VPS13B: variants seen among roughly 807,000 people sequenced by gnomAD.
The protein encoded by VPS13B is vacuolar protein sorting 13 homolog B, also known as intermembrane lipid transfer protein VPS13B.
VPS13B carries 285 observed loss-of-function variants against 426.4 expected under a neutral mutation model. That is an observed-to-expected ratio of 0.67 (90% confidence interval 0.61 to 0.74). The LOEUF is 0.74. Among genes scored for constraint, VPS13B ranks in the 30% least tolerant of loss-of-function variants. VPS13B has a pLI of 0.00. For missense variants in VPS13B, 4,537 were observed against 4,782.6 expected, an observed-to-expected ratio of 0.95 and a Z score of 1.51; for synonymous variants, 1,676 against 1,676.4, an observed-to-expected ratio of 1.00 and a Z score of 0.01.
chr8:99,015,976 T>A (rs1841592458), intron 2 of VPS13B, among the ~76,000 whole-genome samples: 2 of 152,238 alleles, frequency 1.3e-5, no homozygotes, highest in Admixed American at 6.5e-5. Context: ...AGATAAGTTT[T>A]ACCTGGTTTT....
chr8:99,200,394 C>CT (rs1814237971), intron 17 of VPS13B, among the ~76,000 whole-genome samples: 1 of 151,758 alleles, frequency 6.6e-6, no homozygotes, highest in East Asian at 1.9e-4. Flanking sequence ...TGAATGTATG[C>CT]TTTTATTTCT....
At chr8:99,232,921 C>T (rs1216075116) in intron 17 of VPS13B, 24 of 594,428 alleles carry the variant, frequency 4.0e-5, no homozygotes, top group East Asian at 5.6e-5. Context: ...TGGCCGCCTC[C>T]GCAGACTTCT....
chr8:99,433,546 G>T (rs982321247), intron 22 of VPS13B, among the ~76,000 whole-genome samples: 1 of 152,140 alleles, frequency 6.6e-6, no homozygotes, highest in African/African-American at 2.4e-5. Flanking sequence ...TCATAAAAAT[G>T]TTGGCCAATA....
intron 24 of VPS13B, among the ~76,000 whole-genome samples, chr8:99,473,600 A>G (rs1819528319): frequency 6.6e-6 from 1 of 152,188 alleles, no homozygotes; most frequent in Non-Finnish European, 1.5e-5. Context: ...CACTAAGATC[A>G]GGAAAAAGTC....
chr8:99,746,965 C>T (rs139777483), intron 39 of VPS13B, among the ~76,000 whole-genome samples: 103 of 152,196 alleles, frequency 6.8e-4, no homozygotes, highest in Non-Finnish European at 1.3e-3. Flanking sequence ...AACACCATGA[C>T]GTCCACCAAA....
chr8:99,094,894 C>A (rs747326039), intron 3 of VPS13B, among the ~76,000 whole-genome samples: 1 of 151,986 alleles, frequency 6.6e-6, no homozygotes, highest in Non-Finnish European at 1.5e-5. Context: ...TCTCAGCTAC[C>A]CTTTGTGTTG....
intron 21 of VPS13B, among the ~76,000 whole-genome samples, chr8:99,420,689 G>A (rs976284365): frequency 6.6e-6 from 1 of 152,108 alleles, no homozygotes; most frequent in Non-Finnish European, 1.5e-5. Flanking sequence ...ACTATGCTCA[G>A]CTCCTCCTTT....
At chr8:99,732,042 A>G (rs1398966713) in intron 39 of VPS13B, among the ~76,000 whole-genome samples, 1 of 152,240 alleles carries the variant, frequency 6.6e-6, no homozygotes, top group African/African-American at 2.4e-5. Context: ...CAGGAAGTTT[A>G]TAGACCCCCC....
intron 34 of VPS13B, among the ~76,000 whole-genome samples, chr8:99,653,843 C>T (rs78176672): frequency 0.021 from 3,224 of 152,074 alleles, 51 homozygotes; most frequent in Middle Eastern, 0.068. Context: ...AAATCTCTTG[C>T]CCTTCCCATC....
chr8:99,745,780 C>T (rs1387843815), intron 39 of VPS13B, among the ~76,000 whole-genome samples: 2 of 152,014 alleles, frequency 1.3e-5, no homozygotes, highest in South Asian at 2.1e-4. Flanking sequence ...ATCTGTTCTC[C>T]ACTTTTTGTT....
In VPS13B at chr8:99,385,966, C is replaced by G. The variant is rs1309838647; in HGVS notation, c.2934+1649C>G. ...TGAAAAAAAATTTTGAATTTGTAGT[C>G]CTAGGTATTTGAGACTTCATTTTGA... On this transcript the variant is annotated intron_variant, in intron 20 of 61. Transcript: ENST00000357162. Among the ~76,000 whole-genome samples, 2 of 151,972 alleles carry G rather than the reference C, an allele frequency of 1.3e-5. 1 individual carries two copies. Among genetic ancestry groups the G allele is most frequent in the Non-Finnish European group, 2.9e-5 (2 of 67,980 alleles).
At chr8:99,122,710 A>G (rs989314682) in intron 8 of VPS13B, among the ~76,000 whole-genome samples, 3 of 152,234 alleles carry the variant, frequency 2.0e-5, no homozygotes, top group African/African-American at 7.2e-5. Context: ...TTTTGTCTCC[A>G]GAGATACCAG....
chr8:99,823,868 G>A lies in VPS13B; in HGVS notation c.9220G>A (p.Gly3074Ser), dbSNP rs762740344. 1.2e-6 allele frequency: 2 copies of A among 1,613,508 alleles called. No individual in the cohort carries two copies. Among genetic ancestry groups the A allele is most frequent in the South Asian group, 1.1e-5 (1 of 91,068 alleles). ...CTGCATTTCCTCCATGGTACAGCAAGGTATACAAATTATTCAGATTGAAGA... is the reference window on the plus strand; with the variant it reads ...CTGCATTTCCTCCATGGTACAGCAAAGTATACAAATTATTCAGATTGAAGA... ...QFCISSMVQQ[G>S]IQIIQIEDKT... The change falls in exon 51 of 62, where the codon GGT becomes AGT. Residue 3074 changes from glycine to serine, a missense_variant. Physicochemically the swap from Gly to Ser is moderately conservative, Grantham distance 56 (BLOSUM62 0). Around this residue, in one of 2 missense-constraint regions of VPS13B, gnomAD observed 4,311 missense variants for 4,474.3 expected, o/e 0.96. Transcript: ENST00000357162.
At chr8:99,619,361 T>C (rs1029972565) in intron 33 of VPS13B, among the ~76,000 whole-genome samples, 3 of 152,090 alleles carry the variant, frequency 2.0e-5, no homozygotes, top group Non-Finnish European at 4.4e-5. Flanking sequence ...TCTCTTAGGA[T>C]AGGGGAAAGT....
chr8:99,862,979 G>GT (rs1816910557), intron 58 of VPS13B, among the ~76,000 whole-genome samples: 1 of 152,210 alleles, frequency 6.6e-6, no homozygotes, highest in South Asian at 2.1e-4. Context: ...GCTTAACTCA[G>GT]TAACCCAAAG....
intron 19 of VPS13B, among the ~76,000 whole-genome samples, chr8:99,315,307 G>C (rs73285999): frequency 4.0e-5 from 6 of 149,424 alleles, no homozygotes; most frequent in Non-Finnish European, 8.9e-5. Context: ...TGTCATGCAG[G>C]CTTTGTTAAT....
chr8:99,788,762 C>T (rs1224172445), intron 43 of VPS13B, among the ~76,000 whole-genome samples: 1 of 152,100 alleles, frequency 6.6e-6, no homozygotes, highest in Non-Finnish European at 1.5e-5. Flanking sequence ...ATGTAAAAAC[C>T]ATTCTCTGCT....
At chr8:99,210,604 T>C (rs11990603) in intron 17 of VPS13B, among the ~76,000 whole-genome samples, 1 of 151,266 alleles carries the variant, frequency 6.6e-6, no homozygotes, top group Non-Finnish European at 1.5e-5. Context: ...TCTTGAAAAA[T>C]ATATATATAT....
At chr8:99,483,731 G>GA (rs1293786002) in intron 25 of VPS13B, among the ~76,000 whole-genome samples, 1 of 152,028 alleles carries the variant, frequency 6.6e-6, no homozygotes, top group African/African-American at 2.4e-5. Flanking sequence ...CATCCATTTT[G>GA]GAGTGCTCAC....
Sources: allele counts gnomAD v4.1 joint callset (sites outside exome capture counted in the v4.1 genomes callset), GRCh38; gene constraint gnomAD v4.1.1; regional missense constraint gnomAD v4.1.1; transcripts MANE v1.5; gene names NCBI Gene and HGNC (gene_info 2026-07-23, HGNC 2026-07-21).